Variants in PKHD1L1 observed in about 807,000 individuals in gnomAD.
PKHD1L1 encodes PKHD1 like 1, also known as fibrocystin-L.
A neutral mutation model predicts 462.9 loss-of-function variants in PKHD1L1; 434 were observed. That is an observed-to-expected ratio of 0.94 (90% confidence interval 0.87 to 1.02). The LOEUF (loss-of-function observed/expected upper bound fraction) is 1.02. PKHD1L1 is among the 50% of genes least tolerant of loss of function. PKHD1L1 has a pLI of 0.00. For missense variants in PKHD1L1, 5,202 were observed against 5,096.1 expected (o/e 1.02, Z -0.63); for synonymous variants, 1,781 against 1,750.0 (o/e 1.02, Z -0.44).
At position 109,398,449 on chromosome 8, in the gene PKHD1L1, T is replaced by C; in HGVS notation, c.923-10T>C. The C allele has an allele frequency of 6.6e-7, 1 of 1,504,556 alleles. No individual in the cohort carries two copies. Among genetic ancestry groups the C allele is most frequent in the Non-Finnish European group, 9.1e-7 (1 of 1,101,734 alleles). The allele number at this position is 1,504,556 out of a possible 1,614,324, so 93.2% of individuals were successfully genotyped here. A position where few individuals can be genotyped will look rare whatever the true frequency, so the allele number is the denominator to read the frequency against. ...CAGTAGTAACGGTTTTGTATCTTGCTTCTCTATAGGTGAACCTTGTGATAT... is the reference window on the plus strand; with the variant it reads ...CAGTAGTAACGGTTTTGTATCTTGCCTCTCTATAGGTGAACCTTGTGATAT... On this transcript the variant is annotated splice_polypyrimidine_tract_variant and intron_variant, in intron 11 of 77. Transcript: ENST00000378402.
intron 2 of PKHD1L1, among the ~76,000 whole-genome samples, chr8:109,368,717 A>G (rs1811347865): frequency 6.6e-6 from 1 of 152,200 alleles, no homozygotes; most frequent in African/African-American, 2.4e-5. Context: ...TGCTGGCTTT[A>G]ATAACACTGA....
intron 19 of PKHD1L1, 57 bp from the exon 20 acceptor site, chr8:109,412,207 TG>T (rs1354618700): frequency 1.9e-6 from 3 of 1,586,406 alleles, no homozygotes; most frequent in Non-Finnish European, 2.6e-6. Context: ...GTGCACACGT[TG>T]GGGGAAAACC....
chr8:109,486,614 C>T, intron 58 of PKHD1L1, 34 bp from the exon 59 acceptor site: 1 of 1,592,796 alleles, frequency 6.3e-7, no homozygotes. Flanking sequence ...TACTTCTCAG[C>T]ATTGGCAATA....
intron 39 of PKHD1L1, among the ~76,000 whole-genome samples, chr8:109,449,124 C>T (rs1272281305): frequency 6.6e-6 from 1 of 151,838 alleles, no homozygotes; most frequent in Non-Finnish European, 1.5e-5. Context: ...AATAAATTAC[C>T]AGATATGACA....
rs1358981591 is a variant in PKHD1L1, at chr8:109,413,496, A to G, written c.2311A>G (p.Thr771Ala). 1 of 1,575,488 alleles carries G rather than the reference A, an allele frequency of 6.3e-7. No individual in the cohort carries two copies. Among genetic ancestry groups the G allele is most frequent in the South Asian group, 1.2e-5 (1 of 84,020 alleles). ...KFQYQDNSKI[T>A]RSTDTQFTYN... ...TCAGTACCAAGACAATAGCAAGATT[A>G]CTAGAAGCACTGATACACAGTTTAC... The change falls in exon 21 of 78, where the codon ACT becomes GCT. Residue 771 changes from threonine (T) to alanine (A), a missense_variant. Transcript: ENST00000378402.
Position 109,522,848 on chromosome 8 carries a change from G to T in PKHD1L1, c.12288G>T (p.Gln4096His), listed in dbSNP as rs1363826473. The T allele has an allele frequency of 3.7e-6, 6 of 1,611,542 alleles. No homozygotes were observed. The highest frequency in any genetic ancestry group is 4.2e-6 in the Non-Finnish European group (5 of 1,179,060). ...AGCCGGTGGCAGCACAGCCAGGACA[G>T]CCATTTCCTCAGCAGCCTTCGGTAA... is the stretch of plus-strand genomic sequence containing the variant. ...ITQPVAAQPG[Q>H]PFPQQPSVKA... is the part of the protein sequence containing the mutation. Residue 4096 changes from glutamine (Q) to histidine (H), a missense_variant, in exon 75 of 78, where the codon CAG becomes CAT. Physicochemically the swap from Gln to His is conservative, Grantham distance 24. Coordinates refer to ENST00000378402, the MANE Select transcript of PKHD1L1 (RefSeq NM_177531.6).
chr8:109,504,298 T>C (rs720139), intron 67 of PKHD1L1, 29 bp from the exon 68 acceptor site: 494,067 of 1,289,362 alleles, frequency 0.38, 97,252 homozygotes, highest in South Asian at 0.57. Flanking sequence ...TTAGAGAAAA[T>C]AATCACTTAT....
In PKHD1L1 at chr8:109,527,746, T is replaced by G. The variant is rs115028827; in HGVS notation, c.12721+726T>G. On this transcript the variant is annotated intron_variant, in intron 77 of 77. Transcript: ENST00000378402. ...TCTCTTGGCTCCACTCTCTTTGGTGTTAGCTTTACTCCCAGGCTGACTCCT... is the reference window on the plus strand; with the variant it reads ...TCTCTTGGCTCCACTCTCTTTGGTGGTAGCTTTACTCCCAGGCTGACTCCT... Among the ~76,000 whole-genome samples, 310 of 152,262 alleles carry G rather than the reference T, an allele frequency of 2.0e-3. 3 individuals are homozygous for G. Among genetic ancestry groups the G allele is most frequent in the African/African-American group, 7.3e-3 (303 of 41,544 alleles).
At chr8:109,471,099 T>A in intron 50 of PKHD1L1, 1 of 1,517,236 alleles carries the variant, frequency 6.6e-7, no homozygotes, top group Non-Finnish European at 9.1e-7. Context: ...TACAGCAGCA[T>A]CTGAAACATC....
At chr8:109,387,201 A>G (rs1195947482) in intron 6 of PKHD1L1, among the ~76,000 whole-genome samples, 1 of 152,190 alleles carries the variant, frequency 6.6e-6, no homozygotes, top group Non-Finnish European at 1.5e-5. Flanking sequence ...TGTCCATTCA[A>G]CTAAATCTCC....
At chr8:109,439,519 C>T (rs145126420) in intron 32 of PKHD1L1, among the ~76,000 whole-genome samples, 105 of 152,100 alleles carry the variant, frequency 6.9e-4, no homozygotes, top group African/African-American at 2.0e-3. Context: ...GTGAAAAATA[C>T]TGTGAGTTAG....
chr8:109,484,144 TAGAA>T (rs1818412139), intron 57 of PKHD1L1, among the ~76,000 whole-genome samples: 2 of 151,972 alleles, frequency 1.3e-5, no homozygotes, highest in African/African-American at 4.8e-5. Context: ...AATTGGTAAA[TAGAA>T]AGAGGGTTTA....
At position 109,450,994 on chromosome 8, in the gene PKHD1L1, C is replaced by T; in HGVS notation, c.6195C>T (p.Ala2065=). The change falls in exon 41 of 78, where the codon GCC becomes GCT. Residue 2065 remains alanine, a synonymous_variant. Coordinates refer to ENST00000378402, the MANE Select transcript of PKHD1L1 (RefSeq NM_177531.6). ...PSNNGTGAEQ[A]CEVSVVNGKD... is the part of the protein sequence containing the mutation. ...TCATAGGCACGGGAGCTGAGCAAGCCTGTGAAGTGAGTGTGGTTAATGGGA... is the reference window on the plus strand; with the variant it reads ...TCATAGGCACGGGAGCTGAGCAAGCTTGTGAAGTGAGTGTGGTTAATGGGA... The T allele has an allele frequency of 6.2e-7, 1 of 1,611,092 alleles. No homozygotes were observed. Among genetic ancestry groups the T allele is most frequent in the Non-Finnish European group, 8.5e-7 (1 of 1,177,892 alleles).
At position 109,520,353 on chromosome 8, in the gene PKHD1L1, G is replaced by A. The variant is rs147328716; in HGVS notation, c.12032-1833G>A. On this transcript the variant is annotated intron_variant, in intron 73 of 77. Coordinates refer to ENST00000378402, the MANE Select transcript of PKHD1L1 (RefSeq NM_177531.6). ...TTAGAAATCCCTGGTGAGCCCTTAC[G>A]TGTCGTGAGGTCCAAAATTTACCAC... Among the ~76,000 whole-genome samples the A allele has an allele frequency of 9.1e-4, 139 of 152,114 alleles. 2 individuals carry two copies. Among genetic ancestry groups the A allele is most frequent in the African/African-American group, 2.9e-3 (122 of 41,510 alleles).
rs2130758601 is a variant in PKHD1L1, at chr8:109,445,119, C to T, written c.5250C>T (p.Tyr1750=). ...CATACTTAGAAAGCATCACTCCTTACATAACAGGAGTCTTCCCAAACTCTG... is the reference window on the plus strand; with the variant it reads ...CATACTTAGAAAGCATCACTCCTTATATAACAGGAGTCTTCCCAAACTCTG... ...TFSYLESITP[Y]ITGVFPNSVI... Residue 1750 remains tyrosine (Y), a synonymous_variant, in exon 38 of 78, where the codon TAC becomes TAT. Transcript: ENST00000378402. 1.2e-6 allele frequency: 2 copies of T among 1,613,950 alleles called. No homozygotes were observed. The highest frequency in any genetic ancestry group is 1.3e-5 in the African/African-American group (1 of 75,042).
intron 19 of PKHD1L1, 33 bp downstream of exon 19, chr8:109,410,011 C>T (rs781464908): frequency 8.7e-6 from 10 of 1,153,192 alleles, no homozygotes; most frequent in Non-Finnish European, 1.2e-5. Flanking sequence ...TGAAACTGAC[C>T]TAATAAGAAT....
chr8:109,407,947 G>C, intron 17 of PKHD1L1, 102 bp from the exon 18 acceptor site: 1 of 741,728 alleles, frequency 1.3e-6, no homozygotes, highest in Non-Finnish European at 1.8e-6. Context: ...AACCAATTTG[G>C]CTACATTTGA....
chr8:109,417,421 G>A (rs1814236202), intron 21 of PKHD1L1, among the ~76,000 whole-genome samples: 1 of 152,132 alleles, frequency 6.6e-6, no homozygotes, highest in Non-Finnish European at 1.5e-5. Context: ...ATTTGATGGA[G>A]TTCATGGATT....
intron 2 of PKHD1L1, among the ~76,000 whole-genome samples, chr8:109,376,917 C>T (rs1811866099): frequency 6.6e-6 from 1 of 152,148 alleles, no homozygotes; most frequent in Admixed American, 6.6e-5. Flanking sequence ...TGGGCCTTTT[C>T]AATTAAACAT....
Sources: gnomAD v4.1 joint callset for allele counts (sites outside exome capture counted in the v4.1 genomes callset) on GRCh38, gnomAD v4.1.1 for gene constraint, MANE v1.5 for transcripts, NCBI Gene and HGNC (gene_info 2026-07-23, HGNC 2026-07-21) for gene names.